LIN28B: variants seen among roughly 807,000 people sequenced by gnomAD.
LIN28B encodes lin-28 RNA binding posttranscriptional regulator B.
LIN28B carries 5 observed loss-of-function variants against 21.9 expected under a neutral mutation model. That is an observed-to-expected ratio of 0.23 (90% CI 0.12 to 0.48). The LOEUF is 0.48. Among genes scored for constraint, LIN28B ranks in the 20% least tolerant of loss-of-function variants. LIN28B has a pLI of 0.98. For missense variants in LIN28B, 245 were observed against 310.5 expected (o/e 0.79, Z 1.58); for synonymous variants, 109 against 111.3 (o/e 0.98, Z 0.13).
chr6:104,961,549 C>T lies in LIN28B; in HGVS notation c.198+3263C>T, dbSNP rs547604659. 2.3e-4 allele frequency among the ~76,000 whole-genome samples: 35 copies of T among 151,922 alleles called. No individual in the cohort carries two copies. In the East Asian group the frequency reaches 5.0e-3, roughly 22 times the overall value. ...CTGAGTAGCTGGGATTACAGGTGCCCGCCACCACGCCTAGCTAATTTTTTG... is the reference window on the plus strand; with the variant it reads ...CTGAGTAGCTGGGATTACAGGTGCCTGCCACCACGCCTAGCTAATTTTTTG... On this transcript the variant is annotated intron_variant, in intron 2 of 3. Coordinates refer to ENST00000345080, the MANE Select transcript of LIN28B (RefSeq NM_001004317.4).
At chr6:105,034,377 T>C (rs1771482199) in intron 3 of LIN28B, among the ~76,000 whole-genome samples, 4 of 152,036 alleles carry the variant, frequency 2.6e-5, no homozygotes, top group Non-Finnish European at 1.5e-5. Context: ...ATAACTACGT[T>C]AGTATGAGTA....
intron 2 of LIN28B, among the ~76,000 whole-genome samples, chr6:105,012,001 T>C (rs1244968505): frequency 1.3e-5 from 2 of 148,544 alleles, no homozygotes; most frequent in Admixed American, 1.3e-4. Flanking sequence ...CTACTAAAAA[T>C]ACAAAAATTA....
chr6:104,959,902 T>A lies in LIN28B; in HGVS notation c.198+1616T>A, dbSNP rs12525709. Among the ~76,000 whole-genome samples, 637 of 152,290 alleles carry A rather than the reference T, an allele frequency of 4.2e-3. 23 individuals carry two copies. Among genetic ancestry groups the A allele is most frequent in the Admixed American group, 0.037 (572 of 15,286 alleles). On this transcript the variant is annotated intron_variant, in intron 2 of 3. Transcript: ENST00000345080. ...CTGGTCACGCCTTTTTATAATTTGA[T>A]TTTCTATGTTTACCTTCTAAAATAT...
chr6:105,016,191 T>C (rs1428143456), intron 2 of LIN28B, among the ~76,000 whole-genome samples: 1 of 152,140 alleles, frequency 6.6e-6, no homozygotes, highest in Non-Finnish European at 1.5e-5. Flanking sequence ...TTGTGATTCA[T>C]TGTGTCAGCT....
intron 2 of LIN28B, among the ~76,000 whole-genome samples, chr6:105,009,624 T>A (rs186897266): frequency 6.6e-6 from 1 of 152,186 alleles, no homozygotes; most frequent in African/African-American, 2.4e-5. Context: ...TCAACTGTCA[T>A]TGCAATAAGG....
At chr6:105,001,388 C>T (rs1472297137) in intron 2 of LIN28B, among the ~76,000 whole-genome samples, 2 of 152,204 alleles carry the variant, frequency 1.3e-5, no homozygotes, top group African/African-American at 2.4e-5. Flanking sequence ...TAACTAACTT[C>T]ATTGGACCAT....
intron 3 of LIN28B, among the ~76,000 whole-genome samples, chr6:105,040,221 G>A (rs1276572350): frequency 6.6e-6 from 1 of 152,098 alleles, no homozygotes; most frequent in Non-Finnish European, 1.5e-5. Context: ...CTGTGTGGAA[G>A]TGGGACCCTT....
intron 2 of LIN28B, among the ~76,000 whole-genome samples, chr6:105,007,150 A>AAG (rs1770833781): frequency 6.6e-6 from 1 of 152,226 alleles, no homozygotes; most frequent in African/African-American, 2.4e-5. Flanking sequence ...CTTGTTAAAA[A>AAG]TTACTATGTT....
intron 2 of LIN28B, among the ~76,000 whole-genome samples, chr6:105,014,691 C>A (rs1770993424): frequency 6.6e-6 from 1 of 152,126 alleles, no homozygotes; most frequent in African/African-American, 2.4e-5. Context: ...TGGCCTCAAG[C>A]AGTCTTCCTG....
chr6:104,946,812 T>C (rs1562558872), intron 2 of LIN28B, among the ~76,000 whole-genome samples: 1 of 152,184 alleles, frequency 6.6e-6, no homozygotes, highest in East Asian at 1.9e-4. Context: ...TTATAGTAAG[T>C]TGTAATGTAC....
chr6:104,997,657 G>A (rs919625916), intron 2 of LIN28B, among the ~76,000 whole-genome samples: 1 of 151,942 alleles, frequency 6.6e-6, no homozygotes, highest in African/African-American at 2.4e-5. Flanking sequence ...GACATTTGGT[G>A]ATGATGATAG....
chr6:104,976,443 G>A (rs544596064), intron 2 of LIN28B, among the ~76,000 whole-genome samples: 1 of 152,280 alleles, frequency 6.6e-6, no homozygotes, highest in South Asian at 2.1e-4. Flanking sequence ...CTTTGTGGCA[G>A]GAAGGACAAT....
At chr6:104,981,975 G>A (rs1292984077) in intron 2 of LIN28B, among the ~76,000 whole-genome samples, 2 of 152,162 alleles carry the variant, frequency 1.3e-5, no homozygotes, top group African/African-American at 2.4e-5. Flanking sequence ...TTACATAAAG[G>A]TGTTTGTGCA....
rs3035164 is a variant in LIN28B, at chr6:105,072,088, C to CTGTG, written c.384-6308_384-6305dup. 3.6e-3 allele frequency among the ~76,000 whole-genome samples: 542 copies of CTGTG among 148,956 alleles called. 2 individuals carry two copies. Among genetic ancestry groups the CTGTG allele is most frequent in the African/African-American group, 0.011 (439 of 40,818 alleles). On this transcript the variant is annotated intron_variant, in intron 3 of 3. Transcript: ENST00000345080. ...AAAGTCTACTTCAATTCTTTTGTGTCTGTGTGTGTGTGTGTGTGTGTATTA... is the reference window on the plus strand; with the variant it reads ...AAAGTCTACTTCAATTCTTTTGTGTCTGTGTGTGTGTGTGTGTGTGTGTGTATTA...
chr6:105,062,502 T>C (rs1176276754), intron 3 of LIN28B, among the ~76,000 whole-genome samples: 4 of 152,192 alleles, frequency 2.6e-5, no homozygotes, highest in Non-Finnish European at 4.4e-5. Flanking sequence ...TTTAGAAATA[T>C]ATAAATCAAA....
At chr6:105,009,836 C>A (rs1037026505) in intron 2 of LIN28B, among the ~76,000 whole-genome samples, 1 of 152,270 alleles carries the variant, frequency 6.6e-6, no homozygotes, top group East Asian at 1.9e-4. Context: ...CTTTCAAATT[C>A]ATTCATCAGC....
upstream of LIN28B, among the ~76,000 whole-genome samples, chr6:104,956,716 G>A (rs1430393537): frequency 6.6e-6 from 1 of 152,072 alleles, no homozygotes; most frequent in Non-Finnish European, 1.5e-5. Flanking sequence ...GAAAAAAAGC[G>A]TTAACATCGG....
At chr6:105,038,850 C>A (rs745942178) in intron 3 of LIN28B, among the ~76,000 whole-genome samples, 12 of 152,118 alleles carry the variant, frequency 7.9e-5, no homozygotes, top group Non-Finnish European at 1.6e-4. Flanking sequence ...CATTACTAAC[C>A]TAAATGAGAC....
intron 3 of LIN28B, among the ~76,000 whole-genome samples, chr6:105,076,760 C>T (rs1772432903): frequency 6.6e-6 from 1 of 151,820 alleles, no homozygotes; most frequent in African/African-American, 2.4e-5. Flanking sequence ...CGCGCGCCAT[C>T]ATGCCCAGCT....
Sources: gnomAD v4.1 joint callset for allele counts (sites outside exome capture counted in the v4.1 genomes callset) on GRCh38, gnomAD v4.1.1 for gene constraint, MANE v1.5 for transcripts, NCBI Gene and HGNC (gene_info 2026-07-23, HGNC 2026-07-21) for gene names.